HIPK2: variants seen among roughly 807,000 people sequenced by gnomAD.
HIPK2 encodes the protein homeodomain interacting protein kinase 2, also known as homeodomain-interacting protein kinase 2.
In HIPK2, 27 loss-of-function variants were observed where a neutral mutation model predicts 113.7. The ratio of observed to expected loss-of-function variants is 0.24; its 90% CI spans 0.17 to 0.33. The LOEUF is 0.33. HIPK2 is among the 10% of genes least tolerant of loss of function. The pLI is 1.00. For synonymous variants in HIPK2, 631 were observed against 642.2 expected (o/e 0.98, Z 0.26); for missense variants, 1,257 against 1,588.0 (o/e 0.79, Z 3.54).
In HIPK2 at chr7:139,683,580, T is replaced by C. The variant is rs1794123519; in HGVS notation, c.1103+32352A>G. Among the ~76,000 whole-genome samples, 1 of 152,320 alleles carries C rather than the reference T, an allele frequency of 6.6e-6. No individual in the cohort carries two copies. The highest frequency in any genetic ancestry group is 2.4e-5 in the African/African-American group (1 of 41,566). On this transcript the variant is annotated intron_variant, in intron 2 of 14. Coordinates refer to ENST00000406875, the MANE Select transcript of HIPK2 (RefSeq NM_022740.5). The surrounding 1 kb of genome is among the most constrained non-coding windows in gnomAD (Gnocchi z 4.2). The stretch of plus-strand genomic sequence containing the variant: ...ATCTTGGAAGTGAAACACCGTCATT[T>C]CTGCCAGATTCTCTGGGTCACACAG...
intron 6 of HIPK2, among the ~76,000 whole-genome samples, chr7:139,621,223 C>A (rs1489698025): frequency 6.6e-6 from 1 of 152,160 alleles, no homozygotes; most frequent in Admixed American, 6.5e-5. Context: ...ATCCATAAGA[C>A]GGAGACATGA....
intron 12 of HIPK2, among the ~76,000 whole-genome samples, chr7:139,586,709 T>C (rs999246036): frequency 9.9e-5 from 15 of 151,754 alleles, no homozygotes; most frequent in Admixed American, 4.6e-4. Context: ...CAGTGAGCTA[T>C]GATCACACCA....
intron 2 of HIPK2, among the ~76,000 whole-genome samples, chr7:139,704,503 A>C (rs1794832089): frequency 6.7e-6 from 1 of 149,488 alleles, no homozygotes; most frequent in African/African-American, 2.5e-5. Context: ...CACTACACCC[A>C]ACACACACAC....
intron 1 of HIPK2, among the ~76,000 whole-genome samples, chr7:139,718,462 C>T (rs1187364198): frequency 1.3e-5 from 2 of 152,168 alleles, no homozygotes; most frequent in Non-Finnish European, 2.9e-5. Context: ...TGAGGTCAGC[C>T]TTACTTTCCT....
intron 12 of HIPK2, among the ~76,000 whole-genome samples, chr7:139,588,594 C>CA (rs1466137722): frequency 1.3e-5 from 2 of 150,708 alleles, no homozygotes; most frequent in Non-Finnish European, 3.0e-5. Flanking sequence ...ATAAATTAAG[C>CA]AAAAAAAGGA....
At chr7:139,725,878 C>G (rs1044147944) in intron 1 of HIPK2, among the ~76,000 whole-genome samples, 1 of 152,218 alleles carries the variant, frequency 6.6e-6, no homozygotes, top group Admixed American at 6.5e-5. Flanking sequence ...GCCTGACTCC[C>G]AAATCCATGC....
At chr7:139,608,475 A>G (rs570249409) in intron 9 of HIPK2, among the ~76,000 whole-genome samples, 1 of 151,828 alleles carries the variant, frequency 6.6e-6, no homozygotes, top group African/African-American at 2.4e-5. Context: ...TATGGTATTA[A>G]TTAACTTTTA....
At position 139,604,315 on chromosome 7, in the gene HIPK2, C is replaced by G; in HGVS notation, c.2113-92G>C. On this transcript the variant is annotated intron_variant, in intron 9 of 14. Coordinates refer to ENST00000406875, the MANE Select transcript of HIPK2 (RefSeq NM_022740.5). The stretch of plus-strand genomic sequence containing the variant: ...CACTTATTCTGTGCCTGGGGTTGTG[C>G]TAGACATTCTCATGGGTGTGAGAGT... 8 of 1,510,796 alleles carry G rather than the reference C, an allele frequency of 5.3e-6. No homozygotes were observed. In the Middle Eastern group the frequency reaches 5.3e-4, roughly 101 times the overall value. The allele number at this position is 1,510,796 out of a possible 1,614,324, so 93.6% of individuals were successfully genotyped here.
intron 2 of HIPK2, among the ~76,000 whole-genome samples, chr7:139,691,899 GA>G (rs1273741320): frequency 1.3e-5 from 2 of 152,068 alleles, no homozygotes; most frequent in Non-Finnish European, 2.9e-5. Context: ...CGTGGCCTAT[GA>G]AAAAAATCCA....
At chr7:139,628,590 T>G (rs1196956321) in intron 5 of HIPK2, among the ~76,000 whole-genome samples, 1 of 152,130 alleles carries the variant, frequency 6.6e-6, no homozygotes, top group Non-Finnish European at 1.5e-5. Flanking sequence ...CTCACCATCA[T>G]GCCCAGCTAA....
rs1159049434 is a variant in HIPK2, at chr7:139,572,820, C to G, written c.*107G>C. The G allele has an allele frequency of 8.7e-6, 3 of 344,016 alleles. No homozygotes were observed. Among genetic ancestry groups the G allele is most frequent in the Non-Finnish European group, 1.4e-5 (3 of 216,530 alleles). 21.3% of individuals were successfully genotyped at this position (344,016 alleles called of 1,614,324 possible). A position where few individuals can be genotyped will look rare whatever the true frequency, so the allele number is the denominator to read the frequency against. On this transcript the variant is annotated 3_prime_UTR_variant, in exon 15 of 15. Coordinates refer to ENST00000406875, the MANE Select transcript of HIPK2 (RefSeq NM_022740.5). ...TTGCATTGTTTGTGTGCGGCATCTT[C>G]AGTATAAAAGGCCAGCGCCCACGGT...
rs199697515 is a variant in HIPK2 at position 139,754,668 on chromosome 7, A to G, written c.19+22937T>C. ...ATAATTAGTTTGTGAAACCAACAGAACAAAGTGCTAAGAGCCTGAGAAAAC... is the reference window on the plus strand; with the variant it reads ...ATAATTAGTTTGTGAAACCAACAGAGCAAAGTGCTAAGAGCCTGAGAAAAC... On this transcript the variant is annotated intron_variant, in intron 1 of 14. Transcript: ENST00000406875. 3.7e-4 allele frequency among the ~76,000 whole-genome samples: 56 copies of G among 152,344 alleles called. No homozygotes were observed. The East Asian group carries it at 5.0e-3, about 14-fold the overall frequency.
chr7:139,631,854 G>A lies in HIPK2; in HGVS notation c.1104-129C>T. ...CCTCTGAAGGGCCTGTGGCTCTCAG[G>A]AGAGGCGCTGTGCTACAACAATCCT... On this transcript the variant is annotated intron_variant, in intron 2 of 14. Transcript: ENST00000406875. This position sits in a 1 kb window ranked among gnomAD's most constrained non-coding sequence, Gnocchi z 4.9. 8.6e-7 allele frequency: 1 copy of A among 1,161,868 alleles called. No homozygotes were observed. Among genetic ancestry groups the A allele is most frequent in the African/African-American group, 1.6e-5 (1 of 63,872 alleles). The allele number at this position is 1,161,868 out of a possible 1,614,324, so 72.0% of individuals were successfully genotyped here.
intron 1 of HIPK2, among the ~76,000 whole-genome samples, chr7:139,748,008 C>T (rs565957985): frequency 6.6e-4 from 101 of 152,198 alleles, no homozygotes; most frequent in African/African-American, 2.2e-3. Flanking sequence ...TAGATGGTGA[C>T]ATTTAAACTT....
At chr7:139,652,694 C>CTT (rs1220845044) in intron 2 of HIPK2, among the ~76,000 whole-genome samples, 1 of 152,178 alleles carries the variant, frequency 6.6e-6, no homozygotes, top group Non-Finnish European at 1.5e-5. Context: ...CCTCAGCGGA[C>CTT]TCCACTCCAG....
chr7:139,620,035 T>C (rs1800181296), intron 7 of HIPK2, among the ~76,000 whole-genome samples: 3 of 152,124 alleles, frequency 2.0e-5, no homozygotes, highest in African/African-American at 7.2e-5. Context: ...AGTGCTGGGG[T>C]TATAGGCATG....
intron 2 of HIPK2, among the ~76,000 whole-genome samples, chr7:139,710,001 C>G (rs926084855): frequency 7.2e-5 from 11 of 152,180 alleles, no homozygotes; most frequent in African/African-American, 2.7e-4. Flanking sequence ...AATCTAGGGC[C>G]TCATCCCTTC....
chr7:139,648,387 A>T (rs1324270898), intron 2 of HIPK2, among the ~76,000 whole-genome samples: 1 of 152,188 alleles, frequency 6.6e-6, no homozygotes, highest in Non-Finnish European at 1.5e-5. Flanking sequence ...CACAGAACCC[A>T]AAGTTACAGG....
Position 139,562,262 on chromosome 7 carries a change from A to G in HIPK2, c.*10665T>C, listed in dbSNP as rs547244150. 5.3e-5 allele frequency: 8 copies of G among 152,368 alleles called. No individual in the cohort carries two copies. The highest frequency in any genetic ancestry group is 1.9e-4 in the African/African-American group (8 of 41,580). The allele number at this position is 152,368 out of a possible 1,614,324, so 9.4% of individuals were successfully genotyped here. On this transcript the variant is annotated 3_prime_UTR_variant, in exon 15 of 15. Transcript: ENST00000406875. ...AAACCGTACGGTGAAGGAACACAAC[A>G]GACCAGGGCTTTCATAGGGTTATTG...
Sources: gnomAD v4.1 joint callset for allele counts (sites outside exome capture counted in the v4.1 genomes callset) on GRCh38, gnomAD v4.1.1 for gene constraint, Gnocchi (gnomAD v3.1) non-coding constraint, MANE v1.5 for transcripts, NCBI Gene and HGNC (gene_info 2026-07-23, HGNC 2026-07-21) for gene names.